The following ZSWIM6 variants were observed in gnomAD, a reference collection of about 807,000 sequenced individuals.
ZSWIM6 encodes the protein zinc finger SWIM domain-containing protein 6.
Under a neutral mutation model 113.2 loss-of-function variants are expected in ZSWIM6, and 9 were observed. The observed-to-expected ratio is 0.08, with a 90% CI of 0.05 to 0.14. The LOEUF is 0.14. Among genes scored for constraint, ZSWIM6 ranks in the 10% least tolerant of loss-of-function variants. The pLI is 1.00. For missense variants in ZSWIM6, 1,162 were observed against 1,552.2 expected (o/e 0.75, Z 4.22); for synonymous variants, 611 against 606.5 (o/e 1.01, Z -0.11).
chr5:61,487,819 G>A (rs1047095778), intron 2 of ZSWIM6, among the ~76,000 whole-genome samples: 14 of 152,018 alleles, frequency 9.2e-5, no homozygotes, highest in Non-Finnish European at 1.8e-4. Flanking sequence ...TGTATCATCC[G>A]TGAACAGGGA....
intron 1 of ZSWIM6, among the ~76,000 whole-genome samples, chr5:61,433,419 T>C (rs1746627067): frequency 6.6e-6 from 1 of 151,932 alleles, no homozygotes; most frequent in South Asian, 2.1e-4. Context: ...GGATCTGTAG[T>C]ATATAATAGC....
intron 4 of ZSWIM6, among the ~76,000 whole-genome samples, chr5:61,520,156 A>C (rs573737959): frequency 6.6e-6 from 1 of 152,316 alleles, no homozygotes; most frequent in African/African-American, 2.4e-5. Context: ...TTTAATGAGG[A>C]AGAATGTACG....
intron 1 of ZSWIM6, among the ~76,000 whole-genome samples, chr5:61,364,119 A>T (rs1745103492): frequency 6.6e-6 from 1 of 151,188 alleles, no homozygotes; most frequent in South Asian, 2.1e-4. Flanking sequence ...ATCACAGCTC[A>T]CTGCAGTACC....
In ZSWIM6 at chr5:61,491,104, G is replaced by T. The variant is rs183652179; in HGVS notation, c.1182+170G>T. Among the ~76,000 whole-genome samples, 302 of 152,118 alleles carry T rather than the reference G, an allele frequency of 2.0e-3. 3 individuals carry two copies. The highest frequency in any genetic ancestry group is 7.0e-3 in the African/African-American group (289 of 41,542). On this transcript the variant is annotated intron_variant, in intron 3 of 13. Coordinates refer to ENST00000252744, the MANE Select transcript of ZSWIM6 (RefSeq NM_020928.2). ...AATGCAAGCTATTTTTTCCTTAGGT[G>T]ATCTTAGACAAGATATGGGATATTT... is the stretch of plus-strand genomic sequence containing the variant.
At chr5:61,484,026 GA>G (rs907198766) in intron 2 of ZSWIM6, among the ~76,000 whole-genome samples, 3 of 151,664 alleles carry the variant, frequency 2.0e-5, no homozygotes, top group East Asian at 1.9e-4. Flanking sequence ...CTATTAGCAT[GA>G]AAAAAAATAA....
intron 1 of ZSWIM6, among the ~76,000 whole-genome samples, chr5:61,418,561 C>G (rs1746298880): frequency 6.6e-6 from 1 of 152,030 alleles, no homozygotes; most frequent in Non-Finnish European, 1.5e-5. Context: ...GCCCGGCCTA[C>G]TCTATGATTT....
intron 1 of ZSWIM6, among the ~76,000 whole-genome samples, chr5:61,388,956 ATCAGTGTTTCTTTATTC>A (rs1361403500): frequency 6.6e-6 from 1 of 152,188 alleles, no homozygotes; most frequent in African/African-American, 2.4e-5. Context: ...AATATTCTAG[ATCAGTGTTTCTTTATTC>A]TTTGTAACTT....
chr5:61,354,131 C>T (rs1189367735), intron 1 of ZSWIM6, among the ~76,000 whole-genome samples: 1 of 152,144 alleles, frequency 6.6e-6, no homozygotes, highest in African/African-American at 2.4e-5. Flanking sequence ...GTCTTCATGC[C>T]TTCTTGTGAC....
chr5:61,538,941 C>G lies in ZSWIM6; in HGVS notation c.2509C>G (p.Leu837Val). The stretch of plus-strand genomic sequence containing the variant: ...CCACATTGAGTCCCAGCAGTGTGAG[C>G]TGGCATCCACCATGCTAACTGCAGC... ...LSHIESQQCE[L>V]ASTMLTAAKG... is the part of the protein sequence containing the mutation. Residue 837 changes from leucine (L) to valine (V), a missense_variant, in exon 11 of 14, where the codon CTG becomes GTG. Transcript: ENST00000252744. 1 of 1,552,050 alleles carries G rather than the reference C, an allele frequency of 6.4e-7. No individual in the cohort carries two copies. Among genetic ancestry groups the G allele is most frequent in the Non-Finnish European group, 8.7e-7 (1 of 1,147,054 alleles).
Position 61,531,714 on chromosome 5 carries a change from T to C in ZSWIM6, c.2234T>C (p.Phe745Ser), listed in dbSNP as rs768430171. Reference protein sequence around the residue: ...LVKIFRKQAVFLLEAGPYSGL... With the variant: ...LVKIFRKQAVSLLEAGPYSGL... ...AAAATTTTTCGCAAGCAAGCAGTCT[T>C]CCTATTAGAAGGTAGCCTGATACAG... Residue 745 changes from phenylalanine (F) to serine (S), a missense_variant, in exon 9 of 14, where the codon TTC (phenylalanine) becomes TCC (serine). Transcript: ENST00000252744. The C allele has an allele frequency of 9.7e-6, 15 of 1,551,420 alleles. No homozygotes were observed. The highest frequency in any genetic ancestry group is 1.7e-6 in the Non-Finnish European group (2 of 1,146,868).
intron 2 of ZSWIM6, among the ~76,000 whole-genome samples, chr5:61,484,806 T>G (rs1322215116): frequency 6.6e-6 from 1 of 152,286 alleles, no homozygotes; most frequent in East Asian, 1.9e-4. Context: ...CCTGATGACC[T>G]CGGGGCTCAA....
intron 1 of ZSWIM6, among the ~76,000 whole-genome samples, chr5:61,471,257 C>A (rs1747563193): frequency 6.6e-6 from 1 of 152,194 alleles, no homozygotes; most frequent in Admixed American, 6.5e-5. Flanking sequence ...CTATATTCTT[C>A]TTACTCCCTT....
intron 1 of ZSWIM6, among the ~76,000 whole-genome samples, chr5:61,418,033 G>A (rs528589950): frequency 3.7e-4 from 57 of 152,248 alleles, no homozygotes; most frequent in African/African-American, 1.3e-3. Flanking sequence ...GTTTGCAGAG[G>A]TCTAAATATC....
chr5:61,433,917 CAATT>C (rs1746640007), intron 1 of ZSWIM6, among the ~76,000 whole-genome samples: 1 of 150,368 alleles, frequency 6.7e-6, no homozygotes, highest in Admixed American at 6.6e-5. Flanking sequence ...TAAGAAGGAA[CAATT>C]AATTGATGAT....
rs77843659 is a variant in ZSWIM6, at chr5:61,337,938, A to G, written c.676+4990A>G. Among the ~76,000 whole-genome samples the G allele has an allele frequency of 4.5e-3, 677 of 152,116 alleles. 3 individuals are homozygous for G. The highest frequency in any genetic ancestry group is 6.8e-3 in the Non-Finnish European group (463 of 67,986). ...TTACAAAAATTATCCTTGAGTTTTT[A>G]ATTTATATTGTTTTGGTGTGTTCGC... On this transcript the variant is annotated intron_variant, in intron 1 of 13. Coordinates refer to ENST00000252744, the MANE Select transcript of ZSWIM6 (RefSeq NM_020928.2).
chr5:61,496,867 C>G (rs1748330780), intron 4 of ZSWIM6, among the ~76,000 whole-genome samples: 1 of 152,100 alleles, frequency 6.6e-6, no homozygotes, highest in Non-Finnish European at 1.5e-5. Context: ...GAAAAAAATG[C>G]CCACATTTTT....
At chr5:61,483,701 T>C (rs1747940063) in intron 2 of ZSWIM6, among the ~76,000 whole-genome samples, 1 of 145,360 alleles carries the variant, frequency 6.9e-6, no homozygotes, top group African/African-American at 2.5e-5. Flanking sequence ...ACCCCGTCTC[T>C]ACTAAAAATA....
intron 1 of ZSWIM6, among the ~76,000 whole-genome samples, chr5:61,377,068 A>G (rs1373582109): frequency 1.3e-5 from 2 of 152,194 alleles, no homozygotes; most frequent in African/African-American, 4.8e-5. Flanking sequence ...TACAATAATT[A>G]AAACTGTGTG....
At chr5:61,349,027 T>C (rs1181499161) in intron 1 of ZSWIM6, among the ~76,000 whole-genome samples, 1 of 152,196 alleles carries the variant, frequency 6.6e-6, no homozygotes, top group African/African-American at 2.4e-5. Flanking sequence ...GAATATCCTT[T>C]GTAGGATTGT....
Sources: allele counts gnomAD v4.1 joint callset (sites outside exome capture counted in the v4.1 genomes callset), GRCh38; gene constraint gnomAD v4.1.1; transcripts MANE v1.5; gene names NCBI Gene and HGNC (gene_info 2026-07-23, HGNC 2026-07-21).